Variants in PRUNE2 observed in about 807,000 individuals in gnomAD.
PRUNE2 encodes prune homolog 2 with BCH domain.
Under a neutral mutation model 252.0 loss-of-function variants are expected in PRUNE2, and 164 were observed. That is an observed-to-expected ratio of 0.65 (90% CI 0.57 to 0.74). The LOEUF (loss-of-function observed/expected upper bound fraction) is 0.74. Among genes scored for constraint, PRUNE2 ranks in the 30% least tolerant of loss-of-function variants. The pLI is 0.00. For missense variants in PRUNE2, 3,495 were observed against 3,711.0 expected, an observed-to-expected ratio of 0.94 and a Z score of 1.51; for synonymous variants, 1,292 against 1,350.2, an observed-to-expected ratio of 0.96 and a Z score of 0.94.
rs150348149 is a variant in PRUNE2, at chr9:76,905,897, G to A, written c.36+31C>T. ...CCTTTCCATTAGCATACGCGCGCGC[G>A]CACACACACAGCTTTGCTCACTCAA... On this transcript the variant is annotated intron_variant, in intron 1 of 18. Coordinates refer to ENST00000376718, the MANE Select transcript of PRUNE2 (RefSeq NM_015225.3). The A allele has an allele frequency of 6.3e-4, 1,015 of 1,612,922 alleles. 4 individuals are homozygous for A. Among genetic ancestry groups the A allele is most frequent in the South Asian group, 4.6e-3 (420 of 91,024 alleles).
At chr9:76,838,721 TA>T (rs71354687) in intron 4 of PRUNE2, among the ~76,000 whole-genome samples, 65,058 of 149,476 alleles carry the variant, frequency 0.44, 15,965 homozygotes, top group Non-Finnish European at 0.57. Flanking sequence ...ACAGTGATGT[TA>T]AAACTATAAA....
intron 1 of PRUNE2, among the ~76,000 whole-genome samples, chr9:76,873,954 A>G (rs1589708795): frequency 6.6e-6 from 1 of 152,212 alleles, no homozygotes; most frequent in South Asian, 2.1e-4. Flanking sequence ...AACCAATTAA[A>G]ACTATGGAAT....
chr9:76,704,840 C>CA lies in PRUNE2; in HGVS notation c.7433dup (p.Leu2478PhefsTer7). On this transcript the variant is annotated frameshift_variant, in exon 8 of 19. Transcript: ENST00000376718. LOFTEE classifies it high-confidence loss of function. ...CTTCCCAGTCAACGTTTGATGGAGA[C>CA]AAAATGTTGGAGCCTGCTCCTACCG... is the stretch of plus-strand genomic sequence containing the variant. The CA allele has an allele frequency of 6.3e-7, 1 of 1,595,624 alleles. No homozygotes were observed. Among genetic ancestry groups the CA allele is most frequent in the South Asian group, 1.1e-5 (1 of 88,344 alleles).
intron 6 of PRUNE2, among the ~76,000 whole-genome samples, chr9:76,734,936 C>T (rs1047950687): frequency 6.6e-6 from 1 of 152,110 alleles, no homozygotes; most frequent in Non-Finnish European, 1.5e-5. Flanking sequence ...CCTGGAGAGT[C>T]ATGGAGAGAG....
intron 11 of PRUNE2, among the ~76,000 whole-genome samples, chr9:76,646,292 A>C (rs1371557421): frequency 1.3e-5 from 2 of 152,224 alleles, no homozygotes; most frequent in South Asian, 4.1e-4. Flanking sequence ...CTGGAAATGG[A>C]GCTAATCTGT....
chr9:76,675,107 T>A (rs2134041455), intron 9 of PRUNE2, among the ~76,000 whole-genome samples: 1 of 97,246 alleles, frequency 1.0e-5, no homozygotes, highest in East Asian at 3.0e-4. Context: ...CAAAAGAAAC[T>A]ACCATCAGAG....
intron 12 of PRUNE2, among the ~76,000 whole-genome samples, chr9:76,642,296 G>A (rs1250391515): frequency 6.6e-6 from 1 of 152,224 alleles, no homozygotes; most frequent in Non-Finnish European, 1.5e-5. Flanking sequence ...GGTAAGTAAT[G>A]TACCAAGGTT....
chr9:76,762,339 G>A (rs2051813411), intron 6 of PRUNE2, among the ~76,000 whole-genome samples: 2 of 152,186 alleles, frequency 1.3e-5, no homozygotes, highest in Admixed American at 6.5e-5. Flanking sequence ...GTGATCCAAA[G>A]TCATTTCCGG....
At chr9:76,784,988 G>T (rs1381134566) in intron 6 of PRUNE2, 1 of 151,896 alleles carries the variant, frequency 6.6e-6, no homozygotes, top group African/African-American at 2.4e-5. Flanking sequence ...TTGTTTTCCA[G>T]TGCAAAGATG....
chr9:76,694,930 T>A (rs991832313), intron 9 of PRUNE2, among the ~76,000 whole-genome samples: 3 of 152,130 alleles, frequency 2.0e-5, no homozygotes, highest in Admixed American at 6.5e-5. Flanking sequence ...GTTTAAAAAA[T>A]AAATATAAAA....
At chr9:76,629,343 T>G in intron 15 of PRUNE2, 53 bp from the exon 16 acceptor site, 1 of 943,746 alleles carries the variant, frequency 1.1e-6, no homozygotes. Flanking sequence ...ACCTTATCCA[T>G]TCTAAGGCTA....
chr9:76,619,330 G>A lies in PRUNE2; in HGVS notation c.9236+10C>T, dbSNP rs764592416. On this transcript the variant is annotated intron_variant, in intron 18 of 18. Transcript: ENST00000376718. Reference sequence around the variant, plus strand: ...TAACCACATAGCTGTTATTGATGGTGAATTCTTACTCCTTCTCCATAGAAG... The same window carrying A: ...TAACCACATAGCTGTTATTGATGGTAAATTCTTACTCCTTCTCCATAGAAG... 1.3e-6 allele frequency: 2 copies of A among 1,580,332 alleles called. No homozygotes were observed. Among genetic ancestry groups the A allele is most frequent in the South Asian group, 1.1e-5 (1 of 88,620 alleles).
intron 10 of PRUNE2, among the ~76,000 whole-genome samples, chr9:76,653,850 T>TC (rs1266749327): frequency 2.0e-5 from 3 of 152,138 alleles, no homozygotes; most frequent in African/African-American, 7.2e-5. Flanking sequence ...GGCTCCCTCC[T>TC]CTCATTGTAG....
intron 11 of PRUNE2, among the ~76,000 whole-genome samples, chr9:76,647,049 T>A (rs557655716): frequency 5.9e-5 from 9 of 152,170 alleles, no homozygotes; most frequent in African/African-American, 2.2e-4. Context: ...ATTAGCTGGA[T>A]ATGTTGGCAT....
At chr9:76,695,794 G>A (rs376978561) in intron 9 of PRUNE2, among the ~76,000 whole-genome samples, 2 of 152,008 alleles carry the variant, frequency 1.3e-5, no homozygotes, top group Non-Finnish European at 2.9e-5. Context: ...CAGGGGTACC[G>A]TGATGAACAA....
At chr9:76,619,629 G>C (rs28444365) in intron 17 of PRUNE2, among the ~76,000 whole-genome samples, 2 of 152,156 alleles carry the variant, frequency 1.3e-5, no homozygotes, top group African/African-American at 4.8e-5. Context: ...CACCTCCAGT[G>C]GTCTCTTCTG....
intron 6 of PRUNE2, among the ~76,000 whole-genome samples, chr9:76,782,427 AT>A (rs1268392125): frequency 1.3e-5 from 2 of 152,058 alleles, no homozygotes; most frequent in African/African-American, 4.8e-5. Flanking sequence ...GCTTCTTCAT[AT>A]TTTTACAGCC....
At position 76,710,030 on chromosome 9, in the gene PRUNE2, T is replaced by A. The variant is rs771484839; in HGVS notation, c.2244A>T (p.Ser748=). 90 of 1,613,680 alleles carry A rather than the reference T, an allele frequency of 5.6e-5. No homozygotes were observed. Among genetic ancestry groups the A allele is most frequent in the Non-Finnish European group, 7.5e-5 (89 of 1,179,840 alleles). Reference sequence around the variant, plus strand: ...CTTGGGGAGATGTATTTGGCAAAGGTGACTTCTCCATGGGCAGGTTCTGGA... The same window carrying A: ...CTTGGGGAGATGTATTTGGCAAAGGAGACTTCTCCATGGGCAGGTTCTGGA... ...LPFQNLPMEK[S]PLPNTSPQGT... The change falls in exon 8 of 19, where the codon TCA becomes TCT. Residue 748 remains serine (S), a synonymous_variant. Transcript: ENST00000376718.
chr9:76,855,195 T>C (rs948502511), intron 1 of PRUNE2, among the ~76,000 whole-genome samples: 1 of 151,682 alleles, frequency 6.6e-6, no homozygotes, highest in African/African-American at 2.4e-5. Context: ...TGACATTCTT[T>C]TGCAACTTCC....
Sources: gnomAD v4.1 joint callset for allele counts (sites outside exome capture counted in the v4.1 genomes callset) on GRCh38, gnomAD v4.1.1 for gene constraint, MANE v1.5 for transcripts, NCBI Gene and HGNC (gene_info 2026-07-23, HGNC 2026-07-21) for gene names.